Variants in CHN2 observed in about 807,000 individuals in gnomAD.
The protein encoded by CHN2 is beta-chimaerin.
A neutral mutation model predicts 56.3 loss-of-function variants in CHN2; 35 were observed. The ratio of observed to expected loss-of-function variants is 0.62; its 90% CI spans 0.47 to 0.82. CHN2 has a LOEUF of 0.82. CHN2 is among the 40% of genes least tolerant of loss of function. The pLI is 0.00. For synonymous variants in CHN2, 210 were observed against 212.8 expected (o/e 0.99, Z 0.12); for missense variants, 491 against 580.5 (o/e 0.85, Z 1.58).
At chr7:29,297,364 A>G (rs1337677055) in intron 1 of CHN2, among the ~76,000 whole-genome samples, 6 of 152,152 alleles carry the variant, frequency 3.9e-5, no homozygotes, top group Admixed American at 1.3e-4. Flanking sequence ...GTTAGAAAGG[A>G]TAAGGATGAA....
chr7:29,354,733 G>A (rs1798152747), intron 2 of CHN2, 70 bp downstream of exon 2: 2 of 1,371,804 alleles, frequency 1.5e-6, no homozygotes, highest in Non-Finnish European at 2.1e-6. Context: ...ATTCTTGCCA[G>A]CGATGTAGTG....
intron 6 of CHN2, among the ~76,000 whole-genome samples, chr7:29,430,286 C>G (rs907836208): frequency 6.6e-6 from 1 of 152,150 alleles, no homozygotes; most frequent in Non-Finnish European, 1.5e-5. Context: ...ATGGCCTACC[C>G]CCTTGATTTG....
intron 2 of CHN2, among the ~76,000 whole-genome samples, chr7:29,362,420 G>A (rs1309565873): frequency 1.3e-5 from 2 of 152,200 alleles, no homozygotes; most frequent in Middle Eastern, 3.2e-3. Flanking sequence ...GCCCAGAAAA[G>A]GGCAGCATTT....
At chr7:29,213,983 T>G (rs895232651) in intron 1 of CHN2, among the ~76,000 whole-genome samples, 3 of 152,196 alleles carry the variant, frequency 2.0e-5, no homozygotes, top group Non-Finnish European at 4.4e-5. Context: ...TCTTTATTCA[T>G]TAGTCTCAGA....
At chr7:29,167,301 T>C (rs143218040) in intron 2 of CHN2, among the ~76,000 whole-genome samples, 3 of 152,328 alleles carry the variant, frequency 2.0e-5, no homozygotes, top group African/African-American at 7.2e-5. Context: ...ATTCAATATG[T>C]TTCTGAAATT....
intron 1 of CHN2, among the ~76,000 whole-genome samples, chr7:29,297,393 G>T (rs1323232790): frequency 4.6e-5 from 7 of 151,228 alleles, no homozygotes; most frequent in African/African-American, 1.7e-4. Flanking sequence ...TTAGCCTCCT[G>T]CTGACAGGGG....
chr7:29,254,800 A>C (rs1788939759), intron 1 of CHN2, among the ~76,000 whole-genome samples: 1 of 152,176 alleles, frequency 6.6e-6, no homozygotes. Flanking sequence ...TCTGCTCCTC[A>C]GAGCCTGGGT....
chr7:29,399,741 G>A (rs1167661716), intron 5 of CHN2, among the ~76,000 whole-genome samples: 1 of 152,180 alleles, frequency 6.6e-6, no homozygotes, highest in Non-Finnish European at 1.5e-5. Flanking sequence ...CACTTTCCAA[G>A]TTGCAACATG....
intron 3 of CHN2, among the ~76,000 whole-genome samples, chr7:29,391,156 CA>C (rs1801332828): frequency 6.6e-6 from 1 of 152,090 alleles, no homozygotes; most frequent in Admixed American, 6.5e-5. Flanking sequence ...GGATTGCTAT[CA>C]AAATGGCCCT....
rs758397686 is a variant in CHN2, at chr7:29,480,222, G to A, written c.577-57G>A. 2.5e-6 allele frequency: 4 copies of A among 1,614,088 alleles called. No individual in the cohort carries two copies. The South Asian group carries it at 4.4e-5, about 18-fold the overall frequency. ...GCTGGCCGTAGCCTTCGGGGTGAAGGTGGGTGTCAAAGGCGGCTTTCTTTG... is the reference window on the plus strand; with the variant it reads ...GCTGGCCGTAGCCTTCGGGGTGAAGATGGGTGTCAAAGGCGGCTTTCTTTG... On this transcript the variant is annotated intron_variant, in intron 6 of 12. Coordinates refer to ENST00000222792, the MANE Select transcript of CHN2 (RefSeq NM_004067.4).
intron 8 of CHN2, among the ~76,000 whole-genome samples, chr7:29,496,254 A>C (rs73684718): frequency 0.16 from 24,531 of 151,690 alleles, 2,151 homozygotes; most frequent in Admixed American, 0.2. Flanking sequence ...AAAAAAAAAA[A>C]CAAAAAGTAC....
chr7:29,154,771 G>A (rs551485879), intron 2 of CHN2, among the ~76,000 whole-genome samples: 3 of 152,312 alleles, frequency 2.0e-5, no homozygotes, highest in Admixed American at 6.5e-5. Flanking sequence ...GAAGGCAGAG[G>A]TTGCAGTGAA....
At chr7:29,349,179 CT>C (rs2128920965) in intron 1 of CHN2, among the ~76,000 whole-genome samples, 1 of 152,240 alleles carries the variant, frequency 6.6e-6, no homozygotes, top group South Asian at 2.1e-4. Context: ...TTATGGCACT[CT>C]TTATCTGGAG....
At chr7:29,411,931 C>T (rs965014764) in intron 6 of CHN2, among the ~76,000 whole-genome samples, 1 of 152,096 alleles carries the variant, frequency 6.6e-6, no homozygotes, top group East Asian at 1.9e-4. Context: ...GCATTTAAGT[C>T]GGCAGCTGCT....
chr7:29,500,407 C>T (rs2128578339), intron 9 of CHN2, among the ~76,000 whole-genome samples: 2 of 152,292 alleles, frequency 1.3e-5, no homozygotes, highest in East Asian at 3.9e-4. Flanking sequence ...CAGACAATCA[C>T]CTGAGCCCAG....
At chr7:29,337,656 G>A (rs3793286) in intron 1 of CHN2, among the ~76,000 whole-genome samples, 34,516 of 152,168 alleles carry the variant, frequency 0.23, 4,360 homozygotes, top group Non-Finnish European at 0.29. Context: ...GCATACATTT[G>A]TTCAAGCATT....
chr7:29,507,091 T>G (rs1790651415), intron 10 of CHN2, 137 bp from the exon 11 acceptor site: 2 of 705,116 alleles, frequency 2.8e-6, no homozygotes, highest in Admixed American at 3.3e-5. Flanking sequence ...TACACTTCAG[T>G]GTTACTAGAA....
intron 1 of CHN2, among the ~76,000 whole-genome samples, chr7:29,313,303 G>A (rs935319783): frequency 2.0e-5 from 3 of 152,116 alleles, no homozygotes; most frequent in East Asian, 3.9e-4. Context: ...AGGAACAAAT[G>A]GTCACATTTT....
chr7:29,374,808 C>CCTTCCTTCCTTCCTTA (rs1799903139), intron 3 of CHN2, among the ~76,000 whole-genome samples: 1 of 133,466 alleles, frequency 7.5e-6, no homozygotes, highest in Non-Finnish European at 1.5e-5. Context: ...TTATTTCCTT[C>CCTTCCTTCCTTCCTTA]CTTCCTTCCT....
Sources: gnomAD v4.1 joint callset for allele counts (sites outside exome capture counted in the v4.1 genomes callset) on GRCh38, gnomAD v4.1.1 for gene constraint, MANE v1.5 for transcripts, NCBI Gene and HGNC (gene_info 2026-07-23, HGNC 2026-07-21) for gene names.